ARHGAP15: variants seen among roughly 807,000 people sequenced by gnomAD.
ARHGAP15 encodes rho GTPase-activating protein 15.
A neutral mutation model predicts 63.7 loss-of-function variants in ARHGAP15; 51 were observed. The ratio of observed to expected loss-of-function variants is 0.80; its 90% CI spans 0.64 to 1.01. The LOEUF (loss-of-function observed/expected upper bound fraction) is 1.01. Among genes scored for constraint, ARHGAP15 ranks in the 50% least tolerant of loss-of-function variants. The probability of loss-of-function intolerance (pLI) is 0.00; values close to 1 mark genes in which losing one functional copy is unlikely to be tolerated. For missense variants in ARHGAP15, 560 were observed against 564.6 expected (o/e 0.99, Z 0.08); for synonymous variants, 191 against 193.8 (o/e 0.99, Z 0.12).
chr2:143,520,243 G>A (rs1694003734), intron 10 of ARHGAP15, among the ~76,000 whole-genome samples: 1 of 151,872 alleles, frequency 6.6e-6, no homozygotes, highest in Non-Finnish European at 1.5e-5. Flanking sequence ...TAGAACCAAG[G>A]GGAAAAAATC....
intron 12 of ARHGAP15, among the ~76,000 whole-genome samples, chr2:143,683,135 T>A (rs1433277129): frequency 1.3e-5 from 2 of 152,210 alleles, no homozygotes; most frequent in Non-Finnish European, 2.9e-5. Flanking sequence ...TAAGGACTGA[T>A]TCTGTGACCT....
intron 6 of ARHGAP15, among the ~76,000 whole-genome samples, chr2:143,386,716 T>C (rs150233972): frequency 2.0e-5 from 3 of 152,310 alleles, no homozygotes; most frequent in Non-Finnish European, 2.9e-5. Context: ...ACAGTACAAA[T>C]ATACACAACA....
At chr2:143,736,270 G>A (rs1297169791) in intron 13 of ARHGAP15, among the ~76,000 whole-genome samples, 1 of 151,988 alleles carries the variant, frequency 6.6e-6, no homozygotes, top group East Asian at 1.9e-4. Flanking sequence ...GGTGGTGCAT[G>A]CTATAACCTC....
intron 11 of ARHGAP15, among the ~76,000 whole-genome samples, chr2:143,611,552 G>T (rs766196965): frequency 2.0e-5 from 3 of 152,054 alleles, no homozygotes; most frequent in African/African-American, 4.8e-5. Context: ...TTAAGTTAAT[G>T]GTCTTGTCGT....
At chr2:143,571,586 A>G (rs771868309) in intron 11 of ARHGAP15, among the ~76,000 whole-genome samples, 15 of 152,198 alleles carry the variant, frequency 9.9e-5, no homozygotes, top group Non-Finnish European at 1.8e-4. Context: ...TAAAAAGCCC[A>G]TGGAATAATT....
intron 11 of ARHGAP15, among the ~76,000 whole-genome samples, chr2:143,617,814 T>A (rs982592505): frequency 5.3e-5 from 8 of 152,188 alleles, no homozygotes; most frequent in African/African-American, 1.9e-4. Context: ...TGTCCAGAAC[T>A]TTATATTCAC....
chr2:143,422,206 C>A (rs1006582933), intron 6 of ARHGAP15, among the ~76,000 whole-genome samples: 7 of 152,064 alleles, frequency 4.6e-5, no homozygotes, highest in Non-Finnish European at 1.0e-4. Flanking sequence ...AATACTGGTT[C>A]TCATGATAGA....
intron 5 of ARHGAP15, among the ~76,000 whole-genome samples, chr2:143,243,164 A>G (rs989822739): frequency 2.8e-4 from 42 of 152,146 alleles, no homozygotes; most frequent in African/African-American, 9.4e-4. Context: ...ATATTTTCTT[A>G]ATATACATTA....
chr2:143,429,832 C>T (rs191519831), intron 6 of ARHGAP15, among the ~76,000 whole-genome samples: 3 of 152,172 alleles, frequency 2.0e-5, no homozygotes, highest in Admixed American at 6.6e-5. Flanking sequence ...ACAAATATTC[C>T]CTAAGAAAGT....
intron 12 of ARHGAP15, among the ~76,000 whole-genome samples, chr2:143,669,736 A>C (rs185226637): frequency 6.6e-5 from 10 of 152,298 alleles, no homozygotes; most frequent in Admixed American, 5.9e-4. Flanking sequence ...CAGATCCTAG[A>C]AAATATATTT....
chr2:143,213,618 T>C (rs184207246), intron 3 of ARHGAP15, among the ~76,000 whole-genome samples: 1 of 152,342 alleles, frequency 6.6e-6, no homozygotes, highest in East Asian at 1.9e-4. Context: ...TGTAGAAATC[T>C]GCATGTAAAC....
chr2:143,630,307 T>A (rs1351934856), intron 12 of ARHGAP15, among the ~76,000 whole-genome samples: 2 of 152,132 alleles, frequency 1.3e-5, no homozygotes, highest in African/African-American at 4.8e-5. Context: ...CCTTTTGAAA[T>A]TTATTTATAT....
chr2:143,135,015 A>C (rs940370962), intron 1 of ARHGAP15, among the ~76,000 whole-genome samples: 1 of 152,178 alleles, frequency 6.6e-6, no homozygotes, highest in African/African-American at 2.4e-5. Context: ...CAAGTGAAGG[A>C]GGAGAAAAGG....
chr2:143,660,516 C>T (rs181030545), intron 12 of ARHGAP15, among the ~76,000 whole-genome samples: 35 of 152,234 alleles, frequency 2.3e-4, no homozygotes, highest in Admixed American at 1.5e-3. Context: ...ATTTTAAAAT[C>T]GTAAGAATAA....
At chr2:143,407,486 A>G (rs527843453) in intron 6 of ARHGAP15, among the ~76,000 whole-genome samples, 2 of 151,932 alleles carry the variant, frequency 1.3e-5, no homozygotes, top group African/African-American at 4.8e-5. Context: ...ATGAATCAAG[A>G]TTCTGAGCAT....
chr2:143,260,575 T>A (rs531775401), intron 6 of ARHGAP15, among the ~76,000 whole-genome samples: 4 of 152,154 alleles, frequency 2.6e-5, no homozygotes, highest in African/African-American at 9.6e-5. Flanking sequence ...AAAAGTCAGA[T>A]AACAAAGAAC....
At chr2:143,587,370 AG>A (rs1310546769) in intron 11 of ARHGAP15, among the ~76,000 whole-genome samples, 1 of 151,186 alleles carries the variant, frequency 6.6e-6, no homozygotes, top group East Asian at 1.9e-4. Context: ...TAAAGATTGA[AG>A]GGTTGTATTG....
intron 6 of ARHGAP15, among the ~76,000 whole-genome samples, chr2:143,390,556 C>CT (rs1464260686): frequency 6.6e-6 from 1 of 152,064 alleles, no homozygotes; most frequent in Non-Finnish European, 1.5e-5. Flanking sequence ...GATTGAAATG[C>CT]TTTTGAATAA....
chr2:143,593,746 A>G (rs1697406612), intron 11 of ARHGAP15, among the ~76,000 whole-genome samples: 1 of 152,210 alleles, frequency 6.6e-6, no homozygotes, highest in Admixed American at 6.5e-5. Flanking sequence ...TTGAGTGCTA[A>G]CTTCTGCAGA....
Sources: gnomAD v4.1 joint callset for allele counts (sites outside exome capture counted in the v4.1 genomes callset) on GRCh38, gnomAD v4.1.1 for gene constraint, MANE v1.5 for transcripts, NCBI Gene and HGNC (gene_info 2026-07-23, HGNC 2026-07-21) for gene names.